Variants in ACOT7 observed in about 807,000 individuals in gnomAD.
ACOT7 encodes cytosolic acyl coenzyme A thioester hydrolase.
ACOT7 carries 12 observed loss-of-function variants against 40.2 expected under a neutral mutation model. The observed-to-expected ratio is 0.30, with a 90% CI of 0.19 to 0.48. The LOEUF (loss-of-function observed/expected upper bound fraction) is 0.48, where lower values mean the gene tolerates loss of function less well. Among genes scored for constraint, ACOT7 ranks in the 20% least tolerant of loss-of-function variants. The pLI, the probability that ACOT7 is intolerant of heterozygous loss-of-function variation, is 0.99. For missense variants in ACOT7, 395 were observed against 530.8 expected, an observed-to-expected ratio of 0.74 and a Z score of 2.51; for synonymous variants, 228 against 219.5, an observed-to-expected ratio of 1.04 and a Z score of -0.34.
At chr1:6,373,149 T>C (rs1173442330) in intron 1 of ACOT7, among the ~76,000 whole-genome samples, 1 of 152,198 alleles carries the variant, frequency 6.6e-6, no homozygotes, top group Non-Finnish European at 1.5e-5. Context: ...ACGAAAAAGT[T>C]TGAAATATTG....
At chr1:6,378,405 T>C (rs1330189900) in intron 1 of ACOT7, among the ~76,000 whole-genome samples, 1 of 151,922 alleles carries the variant, frequency 6.6e-6, no homozygotes, top group Non-Finnish European at 1.5e-5. Flanking sequence ...ACAAGTCCCA[T>C]GGGGGCAGGT....
chr1:6,275,716 CAAAAAAAAAAA>C lies in ACOT7; in HGVS notation c.1014+5375_1014+5385del, dbSNP rs34990815. On this transcript the variant is annotated intron_variant, in intron 8 of 8. Coordinates refer to ENST00000361521, the MANE Select transcript of ACOT7 (RefSeq NM_007274.4). The surrounding 1 kb of genome is among the most constrained non-coding windows in gnomAD (Gnocchi z 5.6). ...TGGGCGACAGAGTGAGGCTCCGTCT[CAAAAAAAAAAA>C]AAAAAAAAAAAAAAGATGGCCGCAC... Among the ~76,000 whole-genome samples the C allele has an allele frequency of 1.8e-5, 1 of 55,522 alleles. No individual in the cohort carries two copies. Among genetic ancestry groups the C allele is most frequent in the South Asian group, 8.0e-4 (1 of 1,252 alleles). 36.4% of individuals were successfully genotyped at this position (55,522 alleles called of 152,430 possible).
At chr1:6,287,866 G>A (rs1639549277) in intron 7 of ACOT7, among the ~76,000 whole-genome samples, 1 of 152,202 alleles carries the variant, frequency 6.6e-6, no homozygotes, top group Non-Finnish European at 1.5e-5. Context: ...TGGAAACAGT[G>A]AACTGACTTA....
chr1:6,324,027 C>T (rs1640732182), intron 5 of ACOT7, among the ~76,000 whole-genome samples: 1 of 151,906 alleles, frequency 6.6e-6, no homozygotes, highest in Non-Finnish European at 1.5e-5. Context: ...TAGAAAGACC[C>T]CAGTGCCAAG....
intron 8 of ACOT7, among the ~76,000 whole-genome samples, chr1:6,268,375 T>G (rs1638915491): frequency 6.6e-6 from 1 of 152,234 alleles, no homozygotes. Context: ...TCTTTACTTT[T>G]GCGTATATTT....
At chr1:6,392,972 C>T (rs992945120) in intron 1 of ACOT7, among the ~76,000 whole-genome samples, 1 of 152,128 alleles carries the variant, frequency 6.6e-6, no homozygotes, top group Non-Finnish European at 1.5e-5. Context: ...CCCGCCCCGT[C>T]CCTGCCTGGC....
In ACOT7 at chr1:6,393,666, G is replaced by C; in HGVS notation, c.-267C>G. 1 of 250,918 alleles carries C rather than the reference G, an allele frequency of 4.0e-6. No individual in the cohort carries two copies. Among genetic ancestry groups the C allele is most frequent in the Non-Finnish European group, 7.5e-6 (1 of 133,340 alleles). The allele number at this position is 250,918 out of a possible 1,614,324, so 15.5% of individuals were successfully genotyped here. A position where few individuals can be genotyped will look rare whatever the true frequency, so the allele number is the denominator to read the frequency against. On this transcript the variant is annotated 5_prime_UTR_variant, in exon 1 of 9. Coordinates refer to ENST00000361521, the MANE Select transcript of ACOT7 (RefSeq NM_007274.4). ...AAGGCCCGCTAGCCGCGGCAGCCGC[G>C]CCCGACCCGGTGGCAGCCCCGAGGG...
intron 1 of ACOT7, among the ~76,000 whole-genome samples, chr1:6,390,944 A>G (rs148969255): frequency 1.3e-5 from 2 of 152,016 alleles, no homozygotes; most frequent in Non-Finnish European, 2.9e-5. Flanking sequence ...AAAAACAAAC[A>G]AACAAACAAA....
At chr1:6,281,318 G>C in intron 7 of ACOT7, 32 bp from the exon 8 acceptor site, 1 of 1,587,106 alleles carries the variant, frequency 6.3e-7, no homozygotes, top group Non-Finnish European at 8.5e-7. Flanking sequence ...GGTCAGGGCG[G>C]CCTCCACCCC....
chr1:6,378,748 G>C (rs1448973818), intron 1 of ACOT7, among the ~76,000 whole-genome samples: 1 of 151,934 alleles, frequency 6.6e-6, no homozygotes, highest in South Asian at 2.1e-4. Flanking sequence ...GAACATTTAG[G>C]GGGAGGAGGA....
chr1:6,279,575 C>G (rs1639294347), intron 8 of ACOT7, among the ~76,000 whole-genome samples: 1 of 152,198 alleles, frequency 6.6e-6, no homozygotes. Context: ...TAGTGCCGTG[C>G]TGGGGGCACC....
At chr1:6,381,172 C>T (rs151256025) in intron 1 of ACOT7, among the ~76,000 whole-genome samples, 1 of 151,892 alleles carries the variant, frequency 6.6e-6, no homozygotes, top group East Asian at 1.9e-4. Context: ...CTATAGTCTT[C>T]AGTTTCAGAA....
intron 1 of ACOT7, among the ~76,000 whole-genome samples, chr1:6,385,104 C>A (rs1019700641): frequency 6.6e-6 from 1 of 151,900 alleles, no homozygotes; most frequent in Admixed American, 6.5e-5. Flanking sequence ...CCTGCACCAA[C>A]CTTCTGGTCT....
At chr1:6,369,156 G>C (rs1410801962) in intron 1 of ACOT7, among the ~76,000 whole-genome samples, 2 of 150,902 alleles carry the variant, frequency 1.3e-5, no homozygotes, top group African/African-American at 4.9e-5. Context: ...GCTACGTTTT[G>C]TATTAGTAGA....
intron 8 of ACOT7, among the ~76,000 whole-genome samples, chr1:6,277,964 T>C (rs113612994): frequency 4.9e-4 from 75 of 152,164 alleles, no homozygotes; most frequent in African/African-American, 1.6e-3. Context: ...CCGAGGCACA[T>C]AGAAAGTGCG....
chr1:6,312,095 G>A (rs1272135211), intron 6 of ACOT7, among the ~76,000 whole-genome samples: 1 of 152,190 alleles, frequency 6.6e-6, no homozygotes, highest in Non-Finnish European at 1.5e-5. Flanking sequence ...TGGAGAGGAA[G>A]GGCTGGCTCT....
Position 6,333,199 on chromosome 1 carries a change from T to A in ACOT7, c.510+278A>T, listed in dbSNP as rs2148437924. Among the ~76,000 whole-genome samples, 2 of 152,346 alleles carry A rather than the reference T, an allele frequency of 1.3e-5. 1 individual carries two copies. Among genetic ancestry groups the A allele is most frequent in the South Asian group, 4.1e-4 (2 of 4,830 alleles). On this transcript the variant is annotated intron_variant, in intron 4 of 8. Coordinates refer to ENST00000361521, the MANE Select transcript of ACOT7 (RefSeq NM_007274.4). ...GGTTCTGGGCCAGCTTGCGCTCACA[T>A]TCCCAGCATGAATTAAACATACATT... is the stretch of plus-strand genomic sequence containing the variant.
At position 6,355,287 on chromosome 1, in the gene ACOT7, C is replaced by T. The variant is rs931526259; in HGVS notation, c.144-5421G>A. Among the ~76,000 whole-genome samples the T allele has an allele frequency of 1.3e-5, 2 of 152,192 alleles. No homozygotes were observed. Among genetic ancestry groups the T allele is most frequent in the Admixed American group, 6.5e-5 (1 of 15,274 alleles). On this transcript the variant is annotated intron_variant, in intron 1 of 8. Coordinates refer to ENST00000361521, the MANE Select transcript of ACOT7 (RefSeq NM_007274.4). The surrounding 1 kb of genome is among the most constrained non-coding windows in gnomAD (Gnocchi z 5.0). Reference sequence around the variant, plus strand: ...GGACACCCTGACCCAGGATTCCACTCGCAGAAATTTACCCCACAGCTGTTT... The same window carrying T: ...GGACACCCTGACCCAGGATTCCACTTGCAGAAATTTACCCCACAGCTGTTT...
chr1:6,278,887 C>T lies in ACOT7; in HGVS notation c.1014+2215G>A, dbSNP rs1326070100. On this transcript the variant is annotated intron_variant, in intron 8 of 8. Transcript: ENST00000361521. This position sits in a 1 kb window ranked among gnomAD's most constrained non-coding sequence, Gnocchi z 4.1. ...GGACAGCAGACAGGGCGTGTCCTTG[C>T]GTCTGTCCATGCTGCCCGCAGAGGG... 1.3e-5 allele frequency among the ~76,000 whole-genome samples: 2 copies of T among 152,296 alleles called. No individual in the cohort carries two copies. Among genetic ancestry groups the T allele is most frequent in the Admixed American group, 6.5e-5 (1 of 15,300 alleles).
Sources: allele counts gnomAD v4.1 joint callset (sites outside exome capture counted in the v4.1 genomes callset), GRCh38; gene constraint gnomAD v4.1.1; non-coding constraint Gnocchi (gnomAD v3.1); transcripts MANE v1.5; gene names NCBI Gene and HGNC (gene_info 2026-07-23, HGNC 2026-07-21).